Variants in ZBBX observed in about 807,000 individuals in gnomAD.
ZBBX encodes zinc finger B-box domain containing.
Under a neutral mutation model 108.5 loss-of-function variants are expected in ZBBX, and 101 were observed. The ratio of observed to expected loss-of-function variants is 0.93; its 90% CI spans 0.79 to 1.10. The LOEUF is 1.10. Among genes scored for constraint, ZBBX ranks in the 50% least tolerant of loss-of-function variants. The pLI is 0.00. For synonymous variants in ZBBX, 356 were observed against 323.4 expected, an observed-to-expected ratio of 1.10 and a Z score of -1.08; for missense variants, 1,009 against 941.4, an observed-to-expected ratio of 1.07 and a Z score of -0.94.
chr3:167,186,386 A>T, the ZBBX span, among the ~76,000 whole-genome samples: 5 of 151,796 alleles, frequency 3.3e-5, no homozygotes, highest in South Asian at 1.0e-3. Flanking sequence ...AAATATTTGT[A>T]GGAAGGAAGG....
At chr3:167,213,237 C>A in the ZBBX span, among the ~76,000 whole-genome samples, 9 of 152,040 alleles carry the variant, frequency 5.9e-5, no homozygotes. Flanking sequence ...TGGATAAGAA[C>A]AAAGATCACT....
chr3:167,337,195 T>C (rs957942989), intron 9 of ZBBX, among the ~76,000 whole-genome samples: 1 of 152,168 alleles, frequency 6.6e-6, no homozygotes, highest in Non-Finnish European at 1.5e-5. Flanking sequence ...AATATAACTA[T>C]AGTTTAATTA....
intron 1 of ZBBX, among the ~76,000 whole-genome samples, chr3:167,394,033 T>C (rs528978985): frequency 6.6e-6 from 1 of 152,122 alleles, no homozygotes; most frequent in East Asian, 1.9e-4. Context: ...AGATTTTCCA[T>C]ACATACCAAA....
intron 19 of ZBBX, among the ~76,000 whole-genome samples, chr3:167,286,697 G>T (rs1348728732): frequency 6.6e-6 from 1 of 152,110 alleles, no homozygotes; most frequent in Non-Finnish European, 1.5e-5. Flanking sequence ...GAGGCAAGAT[G>T]ACTCCCAAAT....
At position 167,334,001 on chromosome 3, in the gene ZBBX, C is replaced by G. The variant is rs1204780752; in HGVS notation, c.529-16G>C. 6.7e-7 allele frequency: 1 copy of G among 1,495,112 alleles called. No individual in the cohort carries two copies. The highest frequency in any genetic ancestry group is 9.0e-7 in the Non-Finnish European group (1 of 1,117,156). 92.6% of individuals were successfully genotyped at this position (1,495,112 alleles called of 1,614,324 possible). A position where few individuals can be genotyped will look rare whatever the true frequency, so the allele number is the denominator to read the frequency against. ...GAGATTTTGCCTATTAAAAAAGTAACAATATAATTAAAGCGCCTCATATGT... is the reference window on the plus strand; with the variant it reads ...GAGATTTTGCCTATTAAAAAAGTAAGAATATAATTAAAGCGCCTCATATGT... On this transcript the variant is annotated splice_polypyrimidine_tract_variant and intron_variant, in intron 9 of 21. Transcript: ENST00000675490.
chr3:167,407,058 G>A (rs1411272779), intron 1 of ZBBX, among the ~76,000 whole-genome samples: 1 of 152,116 alleles, frequency 6.6e-6, no homozygotes, highest in Non-Finnish European at 1.5e-5. Flanking sequence ...TTTTTCAAGT[G>A]GTCACAGAGT....
chr3:167,191,924 T>TAG, the ZBBX span, among the ~76,000 whole-genome samples: 1 of 125,556 alleles, frequency 8.0e-6, no homozygotes, highest in African/African-American at 3.3e-5. Context: ...TATATATATA[T>TAG]ATATATATAT....
At chr3:167,275,184 C>T (rs1391473330) in intron 20 of ZBBX, among the ~76,000 whole-genome samples, 1 of 151,876 alleles carries the variant, frequency 6.6e-6, no homozygotes, top group African/African-American at 2.4e-5. Context: ...TATCATGTTC[C>T]TTCAATCTGT....
rs191377769 is a variant in ZBBX at position 167,267,558 on chromosome 3, C to G, written c.2254+14680G>C. Among the ~76,000 whole-genome samples, 70 of 152,256 alleles carry G rather than the reference C, an allele frequency of 4.6e-4. 1 individual carries two copies. The highest frequency in any genetic ancestry group is 1.6e-3 in the African/African-American group (67 of 41,546). On this transcript the variant is annotated intron_variant, in intron 20 of 21. Coordinates refer to ENST00000675490, the MANE Select transcript of ZBBX (RefSeq NM_001199201.2). ...TGAGAGAACTAAACATAAGAAAAAG[C>G]AACAAATGATAAAATATTGCTGTTT... is the stretch of plus-strand genomic sequence containing the variant.
the ZBBX span, among the ~76,000 whole-genome samples, chr3:167,227,519 T>C: frequency 3.3e-5 from 5 of 151,830 alleles, no homozygotes; most frequent in African/African-American, 1.2e-4. Context: ...TTCAGATATC[T>C]CAGCATCAAG....
chr3:167,308,756 C>A (rs1734087247), intron 16 of ZBBX, among the ~76,000 whole-genome samples: 1 of 152,088 alleles, frequency 6.6e-6, no homozygotes, highest in African/African-American at 2.4e-5. Context: ...GGTGAGAACA[C>A]ATGGACACTT....
At chr3:167,271,616 T>TTC in intron 20 of ZBBX, among the ~76,000 whole-genome samples, 1 of 152,162 alleles carries the variant, frequency 6.6e-6, no homozygotes, top group Admixed American at 6.5e-5. Context: ...ATGTGTGACG[T>TTC]AGTTCTCAGA....
chr3:167,383,254 C>A (rs1313571897), upstream of ZBBX, among the ~76,000 whole-genome samples: 1 of 151,958 alleles, frequency 6.6e-6, no homozygotes, highest in East Asian at 1.9e-4. Flanking sequence ...GTAGCAAAAC[C>A]AAATTCCTAC....
intron 7 of ZBBX, among the ~76,000 whole-genome samples, 171 bp downstream of exon 7, chr3:167,360,503 GC>G (rs1560181717): frequency 1.3e-5 from 2 of 151,780 alleles, no homozygotes; most frequent in African/African-American, 2.4e-5. Context: ...TGACACAAAA[GC>G]CCCCCTAACC....
intron 1 of ZBBX, among the ~76,000 whole-genome samples, chr3:167,395,756 AT>A (rs1329378867): frequency 6.6e-6 from 1 of 152,040 alleles, no homozygotes; most frequent in Non-Finnish European, 1.5e-5. Context: ...ATTTTAGCTT[AT>A]TTTGCCTTTT....
chr3:167,407,829 G>A (rs547537790), exon 1 of ZBBX, among the ~76,000 whole-genome samples: 4 of 151,914 alleles, frequency 2.6e-5, no homozygotes, highest in East Asian at 1.9e-4. Flanking sequence ...TGTGTTGCTC[G>A]AGGGTCAATT....
the ZBBX span, among the ~76,000 whole-genome samples, chr3:167,191,180 G>A: frequency 6.6e-6 from 1 of 152,196 alleles, no homozygotes; most frequent in African/African-American, 2.4e-5. Context: ...GTCACATCCA[G>A]TCTCTAAAGA....
intron 20 of ZBBX, among the ~76,000 whole-genome samples, chr3:167,274,449 A>G (rs1727110821): frequency 2.0e-5 from 3 of 152,236 alleles, no homozygotes. Context: ...CAAGTTGAAC[A>G]GCAAAGCCAG....
chr3:167,389,743 A>C (rs1369463636), intron 1 of ZBBX, among the ~76,000 whole-genome samples: 1 of 151,544 alleles, frequency 6.6e-6, no homozygotes, highest in Non-Finnish European at 1.5e-5. Flanking sequence ...TGATGAGCTT[A>C]TTTTCATGTT....
Sources: gnomAD v4.1 joint callset for allele counts (sites outside exome capture counted in the v4.1 genomes callset) on GRCh38, gnomAD v4.1.1 for gene constraint, MANE v1.5 for transcripts, NCBI Gene and HGNC (gene_info 2026-07-23, HGNC 2026-07-21) for gene names.